Variants in VPS53 observed in about 807,000 individuals in gnomAD.
VPS53 encodes the protein vacuolar protein sorting-associated protein 53 homolog.
VPS53 carries 70 observed loss-of-function variants against 107.0 expected under a neutral mutation model. The observed-to-expected ratio is 0.65, with a 90% CI of 0.54 to 0.80. The LOEUF is 0.80. Ranked by LOEUF, VPS53 falls within the 30% of genes least tolerant of loss-of-function variation. The probability of loss-of-function intolerance (pLI) is 0.00; values close to 1 mark genes in which losing one functional copy is unlikely to be tolerated. For missense variants in VPS53, 917 were observed against 1,049.4 expected (o/e 0.87, Z 1.74); for synonymous variants, 409 against 393.3 (o/e 1.04, Z -0.47).
At chr17:634,988 T>A (rs955058812) in intron 7 of VPS53, among the ~76,000 whole-genome samples, 4 of 152,212 alleles carry the variant, frequency 2.6e-5, no homozygotes, top group Non-Finnish European at 5.9e-5. Flanking sequence ...TCCACAATGG[T>A]TGAACTAGTT....
intron 4 of VPS53, among the ~76,000 whole-genome samples, chr17:671,875 G>C (rs1597468121): frequency 6.6e-6 from 1 of 152,050 alleles, no homozygotes; most frequent in South Asian, 2.1e-4. Flanking sequence ...TTTTAGTAGA[G>C]ACGGGGTTTC....
intron 4 of VPS53, 22 bp from the exon 5 acceptor site, chr17:661,917 A>G: frequency 2.6e-6 from 4 of 1,545,528 alleles, no homozygotes; most frequent in Non-Finnish European, 3.5e-6. Flanking sequence ...GAAATACATG[A>G]AAAACAAAAA....
chr17:602,379 A>G (rs1247088670), intron 11 of VPS53, among the ~76,000 whole-genome samples: 1 of 152,246 alleles, frequency 6.6e-6, no homozygotes, highest in African/African-American at 2.4e-5. Flanking sequence ...CAGTAAATAG[A>G]AATGAATCAA....
At chr17:711,727 C>G (rs1461177785) in intron 1 of VPS53, among the ~76,000 whole-genome samples, 1 of 151,740 alleles carries the variant, frequency 6.6e-6, no homozygotes, top group Non-Finnish European at 1.5e-5. Flanking sequence ...CAAAAGCCAG[C>G]TGAAAAAAGA....
At chr17:565,119 A>AACC in intron 13 of VPS53, among the ~76,000 whole-genome samples, 1 of 152,158 alleles carries the variant, frequency 6.6e-6, no homozygotes, top group African/African-American at 2.4e-5. Context: ...AGTCTATTAT[A>AACC]GGCCCAACGT....
chr17:671,435 T>C (rs777185748), intron 4 of VPS53, among the ~76,000 whole-genome samples: 1 of 152,196 alleles, frequency 6.6e-6, no homozygotes, highest in Admixed American at 6.5e-5. Context: ...GATTTTCAAC[T>C]AGCAGACTGG....
intron 5 of VPS53, among the ~76,000 whole-genome samples, chr17:659,271 CTTTA>C (rs144543318): frequency 2.0e-4 from 31 of 151,890 alleles, no homozygotes; most frequent in Non-Finnish European, 3.4e-4. Flanking sequence ...CATAGGGAGT[CTTTA>C]TTTATTTATT....
At chr17:591,342 T>C (rs1227566439) in intron 12 of VPS53, among the ~76,000 whole-genome samples, 1 of 152,232 alleles carries the variant, frequency 6.6e-6, no homozygotes, top group Non-Finnish European at 1.5e-5. Flanking sequence ...CCTGGATTTG[T>C]TAATTTTTTG....
intron 19 of VPS53, among the ~76,000 whole-genome samples, chr17:529,673 A>G (rs1356413841): frequency 1.3e-5 from 2 of 152,104 alleles, no homozygotes; most frequent in African/African-American, 4.8e-5. Flanking sequence ...TTAATATTGT[A>G]CAGTTTTCTG....
In VPS53 at chr17:515,755, G is replaced by C. The variant is rs1310299740; in HGVS notation, c.*3373C>G. On this transcript the variant is annotated 3_prime_UTR_variant, in exon 22 of 22. Transcript: ENST00000437048. ...ATCAAAACAAGAAGAATCCTCATCA[G>C]TATGGAGAGAGCCCAATCCTGGGCA... is the stretch of plus-strand genomic sequence containing the variant. 2 of 151,824 alleles carry C rather than the reference G, an allele frequency of 1.3e-5. No individual in the cohort carries two copies. The highest frequency in any genetic ancestry group is 6.6e-5 in the Admixed American group (1 of 15,238). The allele number at this position is 151,824 out of a possible 1,614,324, so 9.4% of individuals were successfully genotyped here. A position where few individuals can be genotyped will look rare whatever the true frequency, so the allele number is the denominator to read the frequency against.
chr17:670,554 C>A (rs1971892715), intron 4 of VPS53, among the ~76,000 whole-genome samples: 1 of 152,076 alleles, frequency 6.6e-6, no homozygotes, highest in South Asian at 2.1e-4. Flanking sequence ...CCTTTTTTTG[C>A]AGAACTGTTG....
intron 12 of VPS53, among the ~76,000 whole-genome samples, chr17:587,283 G>A (rs965603550): frequency 6.6e-6 from 1 of 152,120 alleles, no homozygotes; most frequent in South Asian, 2.1e-4. Flanking sequence ...GGCTAGTCTC[G>A]AACTCTTGGC....
At chr17:593,575 C>G (rs1197120188) in intron 12 of VPS53, among the ~76,000 whole-genome samples, 11 of 152,162 alleles carry the variant, frequency 7.2e-5, no homozygotes, top group African/African-American at 2.4e-4. Context: ...CCATCACTGG[C>G]CATCAGAGAA....
At chr17:606,374 TCTC>T (rs1376253971) in intron 11 of VPS53, among the ~76,000 whole-genome samples, 1 of 152,032 alleles carries the variant, frequency 6.6e-6, no homozygotes. Flanking sequence ...TAGCCTCAGT[TCTC>T]CTACCTGCAA....
intron 7 of VPS53, among the ~76,000 whole-genome samples, chr17:647,404 C>T (rs1041268868): frequency 5.3e-5 from 8 of 152,162 alleles, no homozygotes; most frequent in Non-Finnish European, 1.0e-4. Context: ...GTCCCCAGCA[C>T]GGGGCCTAGG....
At chr17:614,529 C>A (rs921598490) in intron 11 of VPS53, among the ~76,000 whole-genome samples, 1 of 152,158 alleles carries the variant, frequency 6.6e-6, no homozygotes, top group Admixed American at 6.6e-5. Flanking sequence ...TTCTTTAGCA[C>A]CAGTAAAGCA....
chr17:657,254 A>G, intron 5 of VPS53: 7 of 990,100 alleles, frequency 7.1e-6, no homozygotes, highest in Non-Finnish European at 1.1e-5. Flanking sequence ...CAGCAAAGCA[A>G]CCTTTGGTGT....
At chr17:651,808 C>T (rs1489206408) in intron 7 of VPS53, among the ~76,000 whole-genome samples, 1 of 152,172 alleles carries the variant, frequency 6.6e-6, no homozygotes, top group Non-Finnish European at 1.5e-5. Context: ...CCTGCCCCTC[C>T]TTCTAACAGA....
intron 7 of VPS53, chr17:632,919 A>G (rs1375710736): frequency 5.2e-6 from 2 of 381,654 alleles, no homozygotes; most frequent in African/African-American, 4.2e-5. Context: ...GGTAAAAACA[A>G]AAAGAGCCAA....
Sources: allele counts gnomAD v4.1 joint callset (sites outside exome capture counted in the v4.1 genomes callset), GRCh38; gene constraint gnomAD v4.1.1; transcripts MANE v1.5; gene names NCBI Gene and HGNC (gene_info 2026-07-23, HGNC 2026-07-21).